MAGI1: variants seen among roughly 807,000 people sequenced by gnomAD.
MAGI1 encodes membrane-associated guanylate kinase, WW and PDZ domain-containing protein 1.
In MAGI1, 58 loss-of-function variants were observed where a neutral mutation model predicts 139.9. The observed-to-expected ratio is 0.41, with a 90% CI of 0.34 to 0.52. MAGI1 has a LOEUF of 0.52. Among genes scored for constraint, MAGI1 ranks in the 20% least tolerant of loss-of-function variants. The pLI is 0.12. For synonymous variants in MAGI1, 812 were observed against 737.9 expected (o/e 1.10, Z -1.63); for missense variants, 1,874 against 1,901.6 (o/e 0.99, Z 0.27).
At chr3:65,797,074 C>T (rs2040195064) in intron 1 of MAGI1, among the ~76,000 whole-genome samples, 1 of 152,042 alleles carries the variant, frequency 6.6e-6, no homozygotes, top group Admixed American at 6.5e-5. Context: ...CGCATGAGTT[C>T]TGATTATCTA....
chr3:65,551,703 C>A (rs74331809), intron 2 of MAGI1, among the ~76,000 whole-genome samples: 3,796 of 152,314 alleles, frequency 0.025, 78 homozygotes, highest in Admixed American at 0.049. Context: ...TGTTACACTT[C>A]ACATAATACT....
chr3:65,362,577 C>A (rs577904461), intron 21 of MAGI1, among the ~76,000 whole-genome samples: 1 of 152,232 alleles, frequency 6.6e-6, no homozygotes, highest in African/African-American at 2.4e-5. Context: ...AATGCTCTAC[C>A]TTCTCAATTT....
At chr3:65,543,696 A>C (rs1052357143) in intron 2 of MAGI1, among the ~76,000 whole-genome samples, 1 of 152,148 alleles carries the variant, frequency 6.6e-6, no homozygotes, top group African/African-American at 2.4e-5. Flanking sequence ...GTGGGAGTTG[A>C]ACAATGAGAA....
intron 12 of MAGI1, among the ~76,000 whole-genome samples, chr3:65,402,229 T>C (rs946613316): frequency 9.9e-5 from 15 of 151,980 alleles, no homozygotes; most frequent in Middle Eastern, 3.4e-3. Context: ...AAAAGAAAAA[T>C]TGCACAAAGC....
chr3:65,703,302 G>A (rs948535162), intron 1 of MAGI1, among the ~76,000 whole-genome samples: 6 of 152,208 alleles, frequency 3.9e-5, no homozygotes, highest in Non-Finnish European at 7.3e-5. Flanking sequence ...TAGGGTGTAA[G>A]TGAGGACCCA....
intron 18 of MAGI1, among the ~76,000 whole-genome samples, chr3:65,366,124 G>A (rs1941395477): frequency 6.6e-6 from 1 of 152,060 alleles, no homozygotes; most frequent in Admixed American, 6.6e-5. Flanking sequence ...CTGTTAAAAT[G>A]GGGTGATGAC....
At chr3:65,474,576 TTTA>T (rs1950749316) in intron 4 of MAGI1, among the ~76,000 whole-genome samples, 1 of 151,758 alleles carries the variant, frequency 6.6e-6, no homozygotes, top group Non-Finnish European at 1.5e-5. Context: ...GAATGACATT[TTTA>T]TTAATAGTAA....
chr3:65,827,946 G>C (rs1171589718), intron 1 of MAGI1, among the ~76,000 whole-genome samples: 1 of 152,172 alleles, frequency 6.6e-6, no homozygotes, highest in African/African-American at 2.4e-5. Context: ...CAGTCAGGCT[G>C]AAATCCATCC....
rs533784348 is a variant in MAGI1, at chr3:65,355,626, G to A, written c.*752C>T. 223 of 152,796 alleles carry A rather than the reference G, an allele frequency of 1.5e-3. No individual in the cohort carries two copies. Among genetic ancestry groups the A allele is most frequent in the Non-Finnish European group, 2.6e-3 (176 of 68,042 alleles). The allele number at this position is 152,796 out of a possible 1,614,324, so 9.5% of individuals were successfully genotyped here. ...CTTCAATGAGATTTTATCAGATGTT[G>A]GTGATGATCACGAACCTGACTGTCT... On this transcript the variant is annotated 3_prime_UTR_variant, in exon 23 of 23. Transcript: ENST00000402939.
intron 12 of MAGI1, among the ~76,000 whole-genome samples, chr3:65,423,553 T>C (rs996250212): frequency 2.6e-5 from 4 of 152,250 alleles, no homozygotes; most frequent in Non-Finnish European, 5.9e-5. Context: ...CAGGCTTTAC[T>C]CATTTCTTTA....
At chr3:65,415,125 T>G (rs1387894452) in intron 12 of MAGI1, among the ~76,000 whole-genome samples, 8 of 151,894 alleles carry the variant, frequency 5.3e-5, no homozygotes, top group Non-Finnish European at 1.0e-4. Context: ...CCATCCTGGT[T>G]TTTCTCATTA....
chr3:65,577,756 A>G (rs1457390040), intron 2 of MAGI1, among the ~76,000 whole-genome samples: 2 of 152,166 alleles, frequency 1.3e-5, no homozygotes, highest in African/African-American at 4.8e-5. Flanking sequence ...GTGTCTTTAC[A>G]CAGCAGACTC....
chr3:65,464,481 C>T (rs937633397), intron 5 of MAGI1, among the ~76,000 whole-genome samples: 3 of 152,024 alleles, frequency 2.0e-5, no homozygotes, highest in African/African-American at 7.2e-5. Flanking sequence ...TTTAATTTCC[C>T]TTGAGACTTC....
intron 1 of MAGI1, among the ~76,000 whole-genome samples, chr3:65,805,450 G>A (rs57666665): frequency 0.092 from 13,927 of 152,188 alleles, 1,460 homozygotes; most frequent in African/African-American, 0.26. Context: ...AGACGCTGGC[G>A]AGGCTGTGGA....
At chr3:65,474,813 A>G (rs1950775608) in intron 4 of MAGI1, among the ~76,000 whole-genome samples, 1 of 152,172 alleles carries the variant, frequency 6.6e-6, no homozygotes, top group African/African-American at 2.4e-5. Context: ...TTGATTTAAA[A>G]CACAAATAGC....
intron 1 of MAGI1, among the ~76,000 whole-genome samples, chr3:65,657,717 T>C (rs571273731): frequency 1.3e-3 from 201 of 152,336 alleles, no homozygotes; most frequent in Middle Eastern, 3.4e-3. Context: ...TAAGCTGAGC[T>C]TTGTCTGGTA....
At chr3:66,007,854 C>T (rs543873637) in intron 1 of MAGI1, among the ~76,000 whole-genome samples, 2 of 151,602 alleles carry the variant, frequency 1.3e-5, no homozygotes, top group South Asian at 4.2e-4. Flanking sequence ...ATGTGTGCCC[C>T]ACACACTAGT....
At chr3:65,597,968 G>T (rs2106810332) in intron 2 of MAGI1, 1 of 452,866 alleles carries the variant, frequency 2.2e-6, no homozygotes, top group Admixed American at 2.4e-5. Flanking sequence ...AGAGCTGGGG[G>T]CGCCTCGGCC....
rs114497882 is a variant in MAGI1, at chr3:65,750,488, A to C, written c.314-128400T>G. Among the ~76,000 whole-genome samples the C allele has an allele frequency of 3.9e-3, 600 of 152,318 alleles. 2 individuals carry two copies. Among genetic ancestry groups the C allele is most frequent in the Middle Eastern group, 0.014 (4 of 294 alleles). On this transcript the variant is annotated intron_variant, in intron 1 of 22. Transcript: ENST00000402939. The stretch of plus-strand genomic sequence containing the variant: ...TTACAAAATACCTAACAATATAGTT[A>C]CTCTAAATAGTGATTTGATTTGTTT...
Sources: gnomAD v4.1 joint callset for allele counts (sites outside exome capture counted in the v4.1 genomes callset) on GRCh38, gnomAD v4.1.1 for gene constraint, MANE v1.5 for transcripts, NCBI Gene and HGNC (gene_info 2026-07-23, HGNC 2026-07-21) for gene names.